Variants in PIK3R5 observed in about 807,000 individuals in gnomAD.
PIK3R5 encodes phosphoinositide-3-kinase regulatory subunit 5.
PIK3R5 carries 32 observed loss-of-function variants against 94.9 expected under a neutral mutation model. The observed-to-expected ratio is 0.34, with a 90% CI of 0.25 to 0.45. The LOEUF is 0.45. PIK3R5 is among the 20% of genes least tolerant of loss of function. PIK3R5 has a pLI of 1.00. For missense variants in PIK3R5, 853 were observed against 1,144.6 expected, an observed-to-expected ratio of 0.75 and a Z score of 3.68; for synonymous variants, 443 against 479.4, an observed-to-expected ratio of 0.92 and a Z score of 0.99.
At chr17:8,948,062 A>AAAAAAG (rs2091308961) in intron 1 of PIK3R5, among the ~76,000 whole-genome samples, 7 of 146,078 alleles carry the variant, frequency 4.8e-5, no homozygotes, top group Non-Finnish European at 1.0e-4. Flanking sequence ...AAAAAAAAAA[A>AAAAAAG]AAAAGAAAAG....
chr17:8,941,222 A>C (rs984539444), intron 1 of PIK3R5, among the ~76,000 whole-genome samples: 1 of 152,196 alleles, frequency 6.6e-6, no homozygotes, highest in Non-Finnish European at 1.5e-5. Context: ...GGAGGCAGAG[A>C]GTAGGGAGGC....
chr17:8,888,301 C>T lies in PIK3R5; in HGVS notation c.1486G>A (p.Ala496Thr). Residue 496 changes from alanine to threonine, a missense_variant, in exon 10 of 19, where the codon GCT becomes ACT. Ala to Thr is a moderately conservative substitution (Grantham distance 58). This residue lies in a region of PIK3R5 where 319 missense variants were observed against 339.8 expected (regional missense o/e 0.94). Transcript: ENST00000447110. This position sits in a 1 kb window ranked among gnomAD's most constrained non-coding sequence, Gnocchi z 7.8. The part of the protein sequence containing the change: ...TQLPSWLLAP[A>T]SRPQRRRPFL... ...GGGCGGCGGCGCTGGGGGCGTGAAG[C>T]AGGGGCCAGAAGCCAGCTGGGCAGC... 4 of 1,613,036 alleles carry T rather than the reference C, an allele frequency of 2.5e-6. No homozygotes were observed. Among genetic ancestry groups the T allele is most frequent in the Non-Finnish European group, 3.4e-6 (4 of 1,179,776 alleles).
At chr17:8,949,307 T>G (rs2091332161) in intron 1 of PIK3R5, among the ~76,000 whole-genome samples, 1 of 152,338 alleles carries the variant, frequency 6.6e-6, no homozygotes, top group East Asian at 1.9e-4. Context: ...TTTGGAAGGT[T>G]GTACCAGCCA....
chr17:8,948,185 T>A (rs1254121717), intron 1 of PIK3R5, among the ~76,000 whole-genome samples: 1 of 151,428 alleles, frequency 6.6e-6, no homozygotes, highest in Non-Finnish European at 1.5e-5. Context: ...GGCCGACGCA[T>A]GAGAGAAAGC....
At chr17:8,931,693 G>A (rs1212700435) in intron 1 of PIK3R5, among the ~76,000 whole-genome samples, 1 of 152,220 alleles carries the variant, frequency 6.6e-6, no homozygotes. Flanking sequence ...TGAATACTAA[G>A]CTGTGCAGGG....
In PIK3R5 at chr17:8,893,492, T is replaced by C; in HGVS notation, c.482+94A>G. The C allele has an allele frequency of 1.0e-6, 1 of 999,160 alleles. No individual in the cohort carries two copies. The highest frequency in any genetic ancestry group is 1.3e-5 in the South Asian group (1 of 75,672). 61.9% of individuals were successfully genotyped at this position (999,160 alleles called of 1,614,324 possible). A position where few individuals can be genotyped will look rare whatever the true frequency, so the allele number is the denominator to read the frequency against. On this transcript the variant is annotated intron_variant, in intron 6 of 18. Transcript: ENST00000447110. The surrounding 1 kb of genome is among the most constrained non-coding windows in gnomAD (Gnocchi z 5.1). ...TGGGGTGGACAGGGGGTGGGGGCAC[T>C]GGATGTTTGAGTGGGGGAGGAGGGT... is the stretch of plus-strand genomic sequence containing the variant.
chr17:8,945,189 G>A lies in PIK3R5; in HGVS notation c.-14+20407C>T, dbSNP rs140283592. Among the ~76,000 whole-genome samples the A allele has an allele frequency of 4.2e-3, 645 of 152,282 alleles. 3 individuals are homozygous for A. The highest frequency in any genetic ancestry group is 7.2e-3 in the Non-Finnish European group (490 of 68,018). On this transcript the variant is annotated intron_variant, in intron 1 of 18. Transcript: ENST00000447110. This position sits in a 1 kb window ranked among gnomAD's most constrained non-coding sequence, Gnocchi z 4.0. ...GGATCTACATCCTCCCCAGCTGCAG[G>A]AACACTCACTCCCTGGCAGGCCCTG...
chr17:8,950,543 T>C (rs535989433), intron 1 of PIK3R5, among the ~76,000 whole-genome samples: 33 of 152,354 alleles, frequency 2.2e-4, no homozygotes, highest in African/African-American at 7.9e-4. Flanking sequence ...AGAGAACATA[T>C]GGTATTTGGT....
chr17:8,914,923 G>A (rs1238374019), intron 1 of PIK3R5, among the ~76,000 whole-genome samples: 2 of 152,224 alleles, frequency 1.3e-5, no homozygotes, highest in African/African-American at 4.8e-5. Flanking sequence ...AAGCTGGATG[G>A]GGCAGGTTAA....
chr17:8,949,996 A>G (rs1277841131), intron 1 of PIK3R5, among the ~76,000 whole-genome samples: 1 of 152,238 alleles, frequency 6.6e-6, no homozygotes, highest in Non-Finnish European at 1.5e-5. Context: ...CATTATTAAA[A>G]GACAGTTTGT....
Position 8,884,680 on chromosome 17 carries a change from G to T in PIK3R5, c.2205+27C>A, listed in dbSNP as rs1165204047. The T allele has an allele frequency of 1.9e-6, 3 of 1,568,300 alleles. No individual in the cohort carries two copies. Among genetic ancestry groups the T allele is most frequent in the African/African-American group, 2.7e-5 (2 of 74,032 alleles). The stretch of plus-strand genomic sequence containing the variant: ...GAAGTATCAGCAGCAGATCCTGGAG[G>T]GGAAGGAGCCCCAGCACGGGTCTTA... On this transcript the variant is annotated intron_variant, in intron 15 of 18. Transcript: ENST00000447110. This position sits in a 1 kb window ranked among gnomAD's most constrained non-coding sequence, Gnocchi z 5.8.
chr17:8,957,731 A>G (rs1026121661), intron 1 of PIK3R5, among the ~76,000 whole-genome samples: 5 of 152,174 alleles, frequency 3.3e-5, no homozygotes, highest in African/African-American at 1.2e-4. Flanking sequence ...CTCGGGCATG[A>G]GCCTGGGAGC....
chr17:8,925,704 A>G lies in PIK3R5; in HGVS notation c.-13-14197T>C, dbSNP rs1378203908. Among the ~76,000 whole-genome samples, 1 of 152,220 alleles carries G rather than the reference A, an allele frequency of 6.6e-6. No homozygotes were observed. Among genetic ancestry groups the G allele is most frequent in the Non-Finnish European group, 1.5e-5 (1 of 68,038 alleles). The stretch of plus-strand genomic sequence containing the variant: ...GGCTTAGGTTCAGGCCAAAATCTCT[A>G]TAATAAGTGGGTACAGCTTGCATCA... On this transcript the variant is annotated intron_variant, in intron 1 of 18. Transcript: ENST00000447110. This position sits in a 1 kb window ranked among gnomAD's most constrained non-coding sequence, Gnocchi z 5.1.
At chr17:8,939,883 A>G (rs3859237) in intron 1 of PIK3R5, among the ~76,000 whole-genome samples, 80,498 of 151,888 alleles carry the variant, frequency 0.53, 23,812 homozygotes, top group Non-Finnish European at 0.66. Context: ...TCCTGCCCCA[A>G]TGTCCTTCCC....
intron 3 of PIK3R5, among the ~76,000 whole-genome samples, chr17:8,908,516 T>C (rs1038385698): frequency 7.0e-6 from 1 of 142,044 alleles, no homozygotes; most frequent in African/African-American, 2.7e-5. Flanking sequence ...ATCACATGTA[T>C]TTAAAATAAT....
intron 1 of PIK3R5, among the ~76,000 whole-genome samples, chr17:8,958,219 AGAATT>A (rs1297140385): frequency 6.6e-6 from 1 of 151,418 alleles, no homozygotes; most frequent in Non-Finnish European, 1.5e-5. Context: ...CTGAGGCATG[AGAATT>A]GTTTGAACCT....
chr17:8,919,869 T>C (rs2090701384), intron 1 of PIK3R5, among the ~76,000 whole-genome samples: 2 of 149,578 alleles, frequency 1.3e-5, no homozygotes, highest in Admixed American at 6.7e-5. Context: ...TCTTTCTTTC[T>C]CTTTTTTTCT....
At chr17:8,900,037 T>TA (rs111644115) in intron 5 of PIK3R5, among the ~76,000 whole-genome samples, 352 of 144,828 alleles carry the variant, frequency 2.4e-3, no homozygotes, top group African/African-American at 7.7e-3. Flanking sequence ...GATTCCATCT[T>TA]AAAAAAAAAA....
At chr17:8,883,743 T>A (rs544652085) in intron 15 of PIK3R5, among the ~76,000 whole-genome samples, 1 of 152,324 alleles carries the variant, frequency 6.6e-6, no homozygotes, top group East Asian at 1.9e-4. Context: ...CAGTTGTAAT[T>A]TTACATCGTG....
Sources: gnomAD v4.1 joint callset for allele counts (sites outside exome capture counted in the v4.1 genomes callset) on GRCh38, gnomAD v4.1.1 for gene constraint, gnomAD v4.1.1 regional missense constraint, Gnocchi (gnomAD v3.1) non-coding constraint, MANE v1.5 for transcripts, NCBI Gene and HGNC (gene_info 2026-07-23, HGNC 2026-07-21) for gene names.